LRP6: variants seen among roughly 807,000 people sequenced by gnomAD.
LRP6 encodes low-density lipoprotein receptor-related protein 6.
In LRP6, 43 loss-of-function variants were observed where a neutral mutation model predicts 184.1. That is an observed-to-expected ratio of 0.23 (90% CI 0.18 to 0.30). The LOEUF is 0.30. Among genes scored for constraint, LRP6 ranks in the 10% least tolerant of loss-of-function variants. The probability of loss-of-function intolerance (pLI) is 1.00; values close to 1 mark genes in which losing one functional copy is unlikely to be tolerated. For synonymous variants in LRP6, 719 were observed against 684.9 expected, an observed-to-expected ratio of 1.05 and a Z score of -0.78; for missense variants, 1,571 against 2,005.3, an observed-to-expected ratio of 0.78 and a Z score of 4.14.
chr12:12,242,812 T>C (rs1453634608), intron 2 of LRP6, among the ~76,000 whole-genome samples: 1 of 152,206 alleles, frequency 6.6e-6, no homozygotes, highest in Non-Finnish European at 1.5e-5. Flanking sequence ...AATTTCCCTA[T>C]ACTACTGCCC....
intron 2 of LRP6, among the ~76,000 whole-genome samples, chr12:12,231,314 GAC>G (rs558699177): frequency 1.6e-3 from 231 of 146,812 alleles, no homozygotes; most frequent in Non-Finnish European, 2.9e-3. Flanking sequence ...TGGCACACAA[GAC>G]ACAGTGTTAG....
At chr12:12,148,656 G>A (rs1014225149) in intron 14 of LRP6, among the ~76,000 whole-genome samples, 1 of 152,200 alleles carries the variant, frequency 6.6e-6, no homozygotes, top group Non-Finnish European at 1.5e-5. Flanking sequence ...CTGGGATGAG[G>A]TAGATCGAGG....
At chr12:12,264,353 G>A (rs775096051) in intron 1 of LRP6, among the ~76,000 whole-genome samples, 6 of 152,072 alleles carry the variant, frequency 3.9e-5, no homozygotes, top group African/African-American at 1.2e-4. Context: ...CTAGAGAAGC[G>A]GACTAGACCA....
intron 1 of LRP6, among the ~76,000 whole-genome samples, chr12:12,250,480 T>C (rs1865298692): frequency 6.7e-6 from 1 of 148,736 alleles, no homozygotes; most frequent in African/African-American, 2.6e-5. Context: ...TACATGATAT[T>C]AGCTTTTTTT....
At chr12:12,214,990 C>T (rs923660118) in intron 2 of LRP6, among the ~76,000 whole-genome samples, 2 of 152,166 alleles carry the variant, frequency 1.3e-5, no homozygotes, top group African/African-American at 4.8e-5. Context: ...TTTTACATTT[C>T]TTCCCTGCTA....
At chr12:12,122,831 CA>C (rs528135978) in intron 22 of LRP6, among the ~76,000 whole-genome samples, 1 of 150,448 alleles carries the variant, frequency 6.6e-6, no homozygotes, top group African/African-American at 2.5e-5. Flanking sequence ...GACCCTGTCT[CA>C]AAAAAAATAA....
chr12:12,176,235 A>T (rs189656382), intron 7 of LRP6, among the ~76,000 whole-genome samples: 2 of 152,232 alleles, frequency 1.3e-5, no homozygotes, highest in Admixed American at 1.3e-4. Context: ...TACTGTGCAG[A>T]CAAGTAAACT....
At chr12:12,192,856 T>C (rs575419441) in intron 3 of LRP6, among the ~76,000 whole-genome samples, 17 of 152,104 alleles carry the variant, frequency 1.1e-4, no homozygotes, top group Admixed American at 1.3e-4. Flanking sequence ...ACCAAGGATA[T>C]AGAAAATTTG....
intron 6 of LRP6, 30 bp from the exon 7 acceptor site, chr12:12,180,011 A>C: frequency 6.4e-7 from 1 of 1,569,756 alleles, no homozygotes; most frequent in Non-Finnish European, 8.8e-7. Flanking sequence ...ATGAGCTAAA[A>C]ATAGATAATA....
In LRP6 at chr12:12,266,825, G is replaced by C; in HGVS notation, c.-90C>G. On this transcript the variant is annotated 5_prime_UTR_variant, in exon 1 of 23. Transcript: ENST00000261349. ...CCGGGGCGGCCGCCGCAGCGGCAGG[G>C]CTGCACGCTCATACTTCCCAGCTTC... The C allele has an allele frequency of 9.7e-7, 1 of 1,034,852 alleles. No individual in the cohort carries two copies. The highest frequency in any genetic ancestry group is 1.5e-6 in the Non-Finnish European group (1 of 668,852). 64.1% of individuals were successfully genotyped at this position (1,034,852 alleles called of 1,614,324 possible).
At chr12:12,213,350 A>G (rs1864260195) in intron 2 of LRP6, among the ~76,000 whole-genome samples, 1 of 152,150 alleles carries the variant, frequency 6.6e-6, no homozygotes, top group African/African-American at 2.4e-5. Flanking sequence ...AAATCCTTTT[A>G]GAGACAAAGT....
chr12:12,197,305 C>A (rs553563079), intron 3 of LRP6, among the ~76,000 whole-genome samples: 1 of 152,312 alleles, frequency 6.6e-6, no homozygotes. Flanking sequence ...CATTTCTTGC[C>A]CAAAACCTAG....
chr12:12,208,831 G>C (rs942006186), intron 2 of LRP6, among the ~76,000 whole-genome samples: 1 of 152,160 alleles, frequency 6.6e-6, no homozygotes, highest in East Asian at 1.9e-4. Context: ...ATGGTTTTGT[G>C]TGCCTATGTC....
chr12:12,228,783 T>C (rs1259978647), intron 2 of LRP6, among the ~76,000 whole-genome samples: 1 of 152,174 alleles, frequency 6.6e-6, no homozygotes, highest in East Asian at 1.9e-4. Context: ...ACCCCGCTAC[T>C]GCCCAGTGCC....
At chr12:12,253,934 A>T (rs1865393831) in intron 1 of LRP6, among the ~76,000 whole-genome samples, 1 of 151,978 alleles carries the variant, frequency 6.6e-6, no homozygotes, top group African/African-American at 2.4e-5. Flanking sequence ...ACTGGAGCCC[A>T]AGAGTTCGAG....
At position 12,118,506 on chromosome 12, in the gene LRP6, G is replaced by A. The variant is rs1004266067; in HGVS notation, c.*2620C>T. On this transcript the variant is annotated 3_prime_UTR_variant, in exon 23 of 23. Coordinates refer to ENST00000261349, the MANE Select transcript of LRP6 (RefSeq NM_002336.3). ...TTATTCATTTTCCCCCTTGGACAAT[G>A]AATTTAATACACCAAATTTAAAAAT... is the stretch of plus-strand genomic sequence containing the variant. The A allele has an allele frequency of 3.3e-5, 5 of 152,180 alleles. No homozygotes were observed. The highest frequency in any genetic ancestry group is 7.4e-5 in the Non-Finnish European group (5 of 68,022). The allele number at this position is 152,180 out of a possible 1,614,324, so 9.4% of individuals were successfully genotyped here. A position where few individuals can be genotyped will look rare whatever the true frequency, so the allele number is the denominator to read the frequency against.
At position 12,119,797 on chromosome 12, in the gene LRP6, T is replaced by C. The variant is rs1467186050; in HGVS notation, c.*1329A>G. ...ATTCACAGTGGGTAACAGAAAGATA[T>C]TAAATTCATGTCACACATTAGAAGA... On this transcript the variant is annotated 3_prime_UTR_variant, in exon 23 of 23. Transcript: ENST00000261349. The C allele has an allele frequency of 1.3e-5, 2 of 151,722 alleles. No individual in the cohort carries two copies. The highest frequency in any genetic ancestry group is 2.4e-5 in the African/African-American group (1 of 41,268). The allele number at this position is 151,722 out of a possible 1,614,324, so 9.4% of individuals were successfully genotyped here.
chr12:12,200,974 G>C (rs765087574), intron 3 of LRP6, among the ~76,000 whole-genome samples: 31 of 152,198 alleles, frequency 2.0e-4, no homozygotes, highest in Middle Eastern at 3.4e-3. Context: ...CTTTAAATGG[G>C]ATTTTACCTT....
chr12:12,252,838 T>A (rs1265463607), intron 1 of LRP6, among the ~76,000 whole-genome samples: 1 of 152,240 alleles, frequency 6.6e-6, no homozygotes, highest in Non-Finnish European at 1.5e-5. Context: ...TATACATATA[T>A]ACATTCTTGA....
Sources: gnomAD v4.1 joint callset for allele counts (sites outside exome capture counted in the v4.1 genomes callset) on GRCh38, gnomAD v4.1.1 for gene constraint, MANE v1.5 for transcripts, NCBI Gene and HGNC (gene_info 2026-07-23, HGNC 2026-07-21) for gene names.